Variants in TTC7A observed in about 807,000 individuals in gnomAD.
TTC7A encodes tetratricopeptide repeat protein 7A.
TTC7A carries 110 observed loss-of-function variants against 103.7 expected under a neutral mutation model. That is an observed-to-expected ratio of 1.06 (90% CI 0.91 to 1.24). The LOEUF (loss-of-function observed/expected upper bound fraction) is 1.24. TTC7A is among the 50% of genes most tolerant of loss of function. TTC7A has a pLI of 0.00. For missense variants in TTC7A, 1,340 were observed against 1,116.3 expected, an observed-to-expected ratio of 1.20 and a Z score of -2.86; for synonymous variants, 521 against 467.9, an observed-to-expected ratio of 1.11 and a Z score of -1.47.
chr2:47,032,764 G>C (rs1680693577), intron 15 of TTC7A, among the ~76,000 whole-genome samples: 1 of 148,524 alleles, frequency 6.7e-6, no homozygotes, highest in South Asian at 2.1e-4. Flanking sequence ...TTTTGATCCA[G>C]CTGGCCCTAA....
At chr2:47,034,485 A>G (rs988742531) in intron 15 of TTC7A, 2 of 152,238 alleles carry the variant, frequency 1.3e-5, no homozygotes. Context: ...TCCTGAAGCC[A>G]TGGGCTCTGT....
At chr2:46,988,236 G>C (rs1354236869) in intron 5 of TTC7A, among the ~76,000 whole-genome samples, 1 of 152,158 alleles carries the variant, frequency 6.6e-6, no homozygotes, top group African/African-American at 2.4e-5. Context: ...CCCGGCACCT[G>C]GATGACATCC....
chr2:46,952,595 T>G (rs1219152897), intron 2 of TTC7A, among the ~76,000 whole-genome samples: 1 of 152,022 alleles, frequency 6.6e-6, no homozygotes, highest in Non-Finnish European at 1.5e-5. Context: ...TACAGAAAAT[T>G]TTTTTAATTA....
chr2:46,959,576 A>G (rs1273254907), intron 3 of TTC7A, among the ~76,000 whole-genome samples: 3 of 152,150 alleles, frequency 2.0e-5, no homozygotes, highest in African/African-American at 7.2e-5. Context: ...TAGGGGAGTC[A>G]GGAGCAGGCC....
intron 4 of TTC7A, among the ~76,000 whole-genome samples, chr2:46,976,792 A>G (rs922288895): frequency 3.9e-5 from 6 of 152,200 alleles, no homozygotes; most frequent in Admixed American, 6.5e-5. Flanking sequence ...GTTACTGGCA[A>G]CTGTCCCCTG....
chr2:46,961,584 T>TAAATAAAAAAA (rs1223434720), intron 3 of TTC7A, among the ~76,000 whole-genome samples: 10 of 146,464 alleles, frequency 6.8e-5, no homozygotes, highest in Admixed American at 2.7e-4. Context: ...CTCAAATAAA[T>TAAATAAAAAAA]AAATAAATAA....
chr2:46,923,708 A>C (rs912897869), intron 2 of TTC7A, among the ~76,000 whole-genome samples: 1 of 152,086 alleles, frequency 6.6e-6, no homozygotes, highest in Non-Finnish European at 1.5e-5. Flanking sequence ...CCTGCACAAC[A>C]TAGGAAGACC....
intron 18 of TTC7A, among the ~76,000 whole-genome samples, chr2:47,055,687 T>C (rs1683255679): frequency 6.6e-6 from 1 of 152,168 alleles, no homozygotes. Flanking sequence ...TGGGTAGCTC[T>C]GGGCTTTCTC....
chr2:47,014,441 C>T (rs536177193), intron 11 of TTC7A, among the ~76,000 whole-genome samples: 1 of 152,270 alleles, frequency 6.6e-6, no homozygotes, highest in African/African-American at 2.4e-5. Flanking sequence ...GCAACAAGCT[C>T]CCCACAAATT....
chr2:46,984,399 C>T (rs1674790167), intron 5 of TTC7A, among the ~76,000 whole-genome samples: 1 of 152,224 alleles, frequency 6.6e-6, no homozygotes, highest in African/African-American at 2.4e-5. Context: ...ACAGGTTCCC[C>T]CTCTGCCCCT....
At chr2:47,071,332 G>C (rs1684684279) in intron 19 of TTC7A, 2 of 152,128 alleles carry the variant, frequency 1.3e-5, no homozygotes. Flanking sequence ...TCCCAGGGTG[G>C]GGGGACATGA....
At chr2:46,984,689 G>A (rs1454682375) in intron 5 of TTC7A, among the ~76,000 whole-genome samples, 1 of 152,024 alleles carries the variant, frequency 6.6e-6, no homozygotes, top group African/African-American at 2.4e-5. Flanking sequence ...TGCTTCTGCT[G>A]GGGGCCTGGC....
intron 3 of TTC7A, among the ~76,000 whole-genome samples, chr2:46,959,892 C>T (rs979296997): frequency 2.6e-5 from 4 of 152,206 alleles, no homozygotes; most frequent in Admixed American, 6.5e-5. Context: ...GAGTACATAA[C>T]CTCCACCTCC....
chr2:47,055,497 A>C (rs999479080), intron 18 of TTC7A, among the ~76,000 whole-genome samples: 3 of 152,182 alleles, frequency 2.0e-5, no homozygotes, highest in African/African-American at 7.2e-5. Flanking sequence ...AGAGGCACAG[A>C]GTCCCATAGA....
At chr2:47,069,134 G>C (rs190357491) in intron 19 of TTC7A, among the ~76,000 whole-genome samples, 1 of 152,208 alleles carries the variant, frequency 6.6e-6, no homozygotes, top group East Asian at 1.9e-4. Flanking sequence ...CTCCAGGATG[G>C]GTAGAGGCCC....
chr2:46,953,406 G>A lies in TTC7A; in HGVS notation c.348+2880G>A, dbSNP rs533893731. Reference sequence around the variant, plus strand: ...CTGGGATCAAGCAGTCCTGTCACCTGTGCCTCCCAAAGTGCTAGGATTACA... The same window carrying A: ...CTGGGATCAAGCAGTCCTGTCACCTATGCCTCCCAAAGTGCTAGGATTACA... On this transcript the variant is annotated intron_variant, in intron 2 of 19. Transcript: ENST00000319190. 3.3e-5 allele frequency among the ~76,000 whole-genome samples: 5 copies of A among 152,252 alleles called. No homozygotes were observed. In the East Asian group the frequency reaches 9.7e-4, roughly 29 times the overall value.
chr2:46,941,693 G>A lies in TTC7A; in HGVS notation c.152G>A (p.Ser51Asn). 2.6e-6 allele frequency: 4 copies of A among 1,550,700 alleles called. No individual in the cohort carries two copies. The highest frequency in any genetic ancestry group is 3.5e-6 in the Non-Finnish European group (4 of 1,147,474). The part of the protein sequence containing the change: ...MPGGGGNRRG[S>N]PSAAFTFPDT... The stretch of plus-strand genomic sequence containing the variant: ...GGCGGCGGAGGTAACAGGCGAGGCA[G>A]CCCGAGCGCAGCGTTCACCTTTCCG... Residue 51 changes from serine to asparagine, a missense_variant, in exon 1 of 20, where the codon AGC becomes AAC. Transcript: ENST00000319190. The surrounding 1 kb of genome is among the most constrained non-coding windows in gnomAD (Gnocchi z 4.2).
At chr2:46,975,184 A>G in intron 4 of TTC7A, 81 bp downstream of exon 4, 1 of 1,556,114 alleles carries the variant, frequency 6.4e-7, no homozygotes, top group Non-Finnish European at 8.8e-7. Context: ...CCCATAGGTC[A>G]CCTGTGTGCT....
At chr2:47,057,695 TCTC>T (rs1683430002) in intron 18 of TTC7A, among the ~76,000 whole-genome samples, 1 of 151,984 alleles carries the variant, frequency 6.6e-6, no homozygotes, top group African/African-American at 2.4e-5. Context: ...TCCTTCTGCT[TCTC>T]CTCTCTCGTG....
Sources: allele counts gnomAD v4.1 joint callset (sites outside exome capture counted in the v4.1 genomes callset), GRCh38; gene constraint gnomAD v4.1.1; non-coding constraint Gnocchi (gnomAD v3.1); transcripts MANE v1.5; gene names NCBI Gene and HGNC (gene_info 2026-07-23, HGNC 2026-07-21).